The following WDPCP variants were observed in gnomAD, a reference collection of about 807,000 sequenced individuals.
WDPCP encodes WD repeat-containing and planar cell polarity effector protein fritz homolog.
Under a neutral mutation model 93.1 loss-of-function variants are expected in WDPCP, and 71 were observed. The observed-to-expected ratio is 0.76, with a 90% confidence interval of 0.63 to 0.93. The LOEUF is 0.93. WDPCP is among the 40% of genes least tolerant of loss of function. The pLI, the probability that WDPCP is intolerant of heterozygous loss-of-function variation, is 0.00. For synonymous variants in WDPCP, 315 were observed against 315.0 expected (o/e 1.00, Z 0.00); for missense variants, 844 against 887.4 (o/e 0.95, Z 0.62).
At chr2:63,155,455 T>C (rs1672174896) in intron 15 of WDPCP, among the ~76,000 whole-genome samples, 1 of 152,224 alleles carries the variant, frequency 6.6e-6, no homozygotes, top group Non-Finnish European at 1.5e-5. Context: ...TATATGGGTC[T>C]ATTTCTGGGT....
chr2:63,139,598 G>T (rs1452291714), intron 17 of WDPCP, among the ~76,000 whole-genome samples: 2 of 152,080 alleles, frequency 1.3e-5, no homozygotes, highest in African/African-American at 2.4e-5. Context: ...TTTCATGTTT[G>T]TTGGCCATTT....
At chr2:63,513,862 T>C (rs1224347766) in intron 1 of WDPCP, among the ~76,000 whole-genome samples, 1 of 152,222 alleles carries the variant, frequency 6.6e-6, no homozygotes, top group Non-Finnish European at 1.5e-5. Flanking sequence ...CCTGGATCCT[T>C]AGGTCTTCAT....
chr2:63,571,032 A>C (rs1707455860), intron 1 of WDPCP, among the ~76,000 whole-genome samples: 1 of 151,630 alleles, frequency 6.6e-6, no homozygotes, highest in Non-Finnish European at 1.5e-5. Flanking sequence ...AGCCTCCTGA[A>C]CAGCTGGGAC....
chr2:63,366,912 C>T (rs1690954658), intron 12 of WDPCP, among the ~76,000 whole-genome samples: 1 of 151,952 alleles, frequency 6.6e-6, no homozygotes, highest in Non-Finnish European at 1.5e-5. Flanking sequence ...GTTATTTAAT[C>T]TGTGTACTCA....
intron 1 of WDPCP, among the ~76,000 whole-genome samples, chr2:63,500,454 G>GGGTGT (rs1553412905): frequency 7.4e-5 from 11 of 149,474 alleles, no homozygotes; most frequent in Non-Finnish European, 1.3e-4. Context: ...ATGGTGTGGG[G>GGGTGT]GTGTGTGTGT....
chr2:63,734,297 A>G (rs914297348), intron 2 of WDPCP, among the ~76,000 whole-genome samples: 1 of 152,148 alleles, frequency 6.6e-6, no homozygotes, highest in Non-Finnish European at 1.5e-5. Flanking sequence ...TTGTATAAAA[A>G]TTGGCAAACA....
At chr2:63,157,044 G>A (rs916707753) in intron 15 of WDPCP, among the ~76,000 whole-genome samples, 2 of 147,940 alleles carry the variant, frequency 1.4e-5, no homozygotes, top group African/African-American at 2.5e-5. Context: ...CTAGTTTTCT[G>A]GGCTTTTTTT....
At chr2:63,712,818 A>C (rs1575755096) in intron 2 of WDPCP, among the ~76,000 whole-genome samples, 1 of 152,094 alleles carries the variant, frequency 6.6e-6, no homozygotes, top group South Asian at 2.1e-4. Flanking sequence ...ATCTGCCTAC[A>C]CCCAAGTTGC....
At chr2:63,586,908 G>A (rs1350916613) in intron 1 of WDPCP, among the ~76,000 whole-genome samples, 1 of 152,174 alleles carries the variant, frequency 6.6e-6, no homozygotes, top group Non-Finnish European at 1.5e-5. Flanking sequence ...AAGTTCTAGG[G>A]TACATGTGCA....
At chr2:63,138,078 T>G (rs1670768329) in intron 17 of WDPCP, among the ~76,000 whole-genome samples, 2 of 151,322 alleles carry the variant, frequency 1.3e-5, no homozygotes, top group Non-Finnish European at 2.9e-5. Context: ...GATTTTTTTT[T>G]TTTTTTTTTT....
At chr2:63,557,656 C>T (rs1706230577) in intron 1 of WDPCP, among the ~76,000 whole-genome samples, 1 of 152,068 alleles carries the variant, frequency 6.6e-6, no homozygotes, top group Non-Finnish European at 1.5e-5. Context: ...ACTTGACAGA[C>T]ATCTATAGAA....
At position 63,322,930 on chromosome 2, in the gene WDPCP, G is replaced by A. The variant is rs550699243; in HGVS notation, c.1749-9619C>T. 2.4e-4 allele frequency among the ~76,000 whole-genome samples: 36 copies of A among 152,320 alleles called. No homozygotes were observed. In the East Asian group the frequency reaches 2.7e-3, roughly 11 times the overall value. On this transcript the variant is annotated intron_variant, in intron 12 of 17. Coordinates refer to ENST00000272321, the MANE Select transcript of WDPCP (RefSeq NM_015910.7). ...TGTCGGCCAGTTAAAAGCTACTAGC[G>A]CAGCTGCCAGACTAAAGACACAGGT...
At chr2:63,282,118 C>A (rs544641758) in intron 13 of WDPCP, among the ~76,000 whole-genome samples, 17 of 152,180 alleles carry the variant, frequency 1.1e-4, no homozygotes, top group African/African-American at 3.9e-4. Context: ...ACTCTAAATA[C>A]CAAAGCAATG....
intron 12 of WDPCP, among the ~76,000 whole-genome samples, chr2:63,329,974 C>G (rs114416142): frequency 0.017 from 2,533 of 152,178 alleles, 76 homozygotes; most frequent in African/African-American, 0.058. Flanking sequence ...TATCTCATTT[C>G]TTTATCCATT....
chr2:63,422,569 C>T (rs1467968550), intron 9 of WDPCP, among the ~76,000 whole-genome samples: 1 of 151,974 alleles, frequency 6.6e-6, no homozygotes, highest in Non-Finnish European at 1.5e-5. Flanking sequence ...ATAGAAGTAT[C>T]CCAAGTAATC....
At chr2:63,397,106 A>T (rs918529661) in intron 10 of WDPCP, among the ~76,000 whole-genome samples, 4 of 152,152 alleles carry the variant, frequency 2.6e-5, no homozygotes, top group African/African-American at 9.6e-5. Flanking sequence ...GCAGAAGAAT[A>T]TAGATACAGG....
chr2:63,559,062 C>T (rs1474556108), intron 1 of WDPCP, among the ~76,000 whole-genome samples: 2 of 152,162 alleles, frequency 1.3e-5, no homozygotes, highest in Non-Finnish European at 2.9e-5. Flanking sequence ...AATCCAGCAG[C>T]ACATCAAAAA....
At chr2:63,225,134 G>C (rs550759601) in intron 14 of WDPCP, among the ~76,000 whole-genome samples, 3 of 151,654 alleles carry the variant, frequency 2.0e-5, no homozygotes, top group Non-Finnish European at 4.4e-5. Flanking sequence ...CAGACTTTGG[G>C]GTTGTTCTGC....
intron 1 of WDPCP, among the ~76,000 whole-genome samples, chr2:63,556,520 C>T (rs372691333): frequency 6.6e-5 from 10 of 152,148 alleles, no homozygotes; most frequent in South Asian, 6.2e-4. Flanking sequence ...GCTCCTTTAG[C>T]TCAGTGAAAT....
Sources: gnomAD v4.1 joint callset for allele counts (sites outside exome capture counted in the v4.1 genomes callset) on GRCh38, gnomAD v4.1.1 for gene constraint, MANE v1.5 for transcripts, NCBI Gene and HGNC (gene_info 2026-07-23, HGNC 2026-07-21) for gene names.